PLCB1: variants seen among roughly 807,000 people sequenced by gnomAD.
PLCB1 encodes 1-phosphatidylinositol 4,5-bisphosphate phosphodiesterase beta-1.
Under a neutral mutation model 161.8 loss-of-function variants are expected in PLCB1, and 46 were observed. That is an observed-to-expected ratio of 0.28 (90% CI 0.22 to 0.36). The LOEUF is 0.36. PLCB1 is among the 10% of genes least tolerant of loss of function. The pLI is 1.00. For synonymous variants in PLCB1, 517 were observed against 503.7 expected (o/e 1.03, Z -0.35); for missense variants, 1,016 against 1,472.5 (o/e 0.69, Z 5.07).
intron 2 of PLCB1, among the ~76,000 whole-genome samples, chr20:8,301,380 G>T (rs1047897495): frequency 4.6e-5 from 7 of 152,142 alleles, no homozygotes; most frequent in African/African-American, 1.7e-4. Context: ...TTAAGAACCA[G>T]GAAGGACTGA....
chr20:8,506,760 A>C (rs1366907268), intron 3 of PLCB1, among the ~76,000 whole-genome samples: 1 of 152,222 alleles, frequency 6.6e-6, no homozygotes, highest in Non-Finnish European at 1.5e-5. Context: ...TATCTGATAT[A>C]ATCTCAGATT....
At position 8,695,802 on chromosome 20, in the gene PLCB1, G is replaced by A. The variant is rs536092688; in HGVS notation, c.1010-1824G>A. 3.3e-5 allele frequency among the ~76,000 whole-genome samples: 5 copies of A among 152,312 alleles called. No individual in the cohort carries two copies. The South Asian group carries it at 1.0e-3, about 32-fold the overall frequency. On this transcript the variant is annotated intron_variant, in intron 10 of 31. Coordinates refer to ENST00000338037, the MANE Select transcript of PLCB1 (RefSeq NM_015192.4). ...AGACTTCAATTTGTGTGTTGCTAATGGGCCTGTTGCAAGAGCTATTTATTA... is the reference window on the plus strand; with the variant it reads ...AGACTTCAATTTGTGTGTTGCTAATAGGCCTGTTGCAAGAGCTATTTATTA...
At chr20:8,236,860 CAAAT>C (rs1373339194) in intron 2 of PLCB1, among the ~76,000 whole-genome samples, 1 of 151,840 alleles carries the variant, frequency 6.6e-6, no homozygotes, top group East Asian at 1.9e-4. Context: ...AATGCAAACA[CAAAT>C]AGATATGAGA....
Position 8,236,336 on chromosome 20 carries a change from G to A in PLCB1, c.177+85965G>A, listed in dbSNP as rs185982410. Among the ~76,000 whole-genome samples the A allele has an allele frequency of 1.5e-3, 235 of 152,088 alleles. 1 individual carries two copies. Among genetic ancestry groups the A allele is most frequent in the Middle Eastern group, 3.4e-3 (1 of 294 alleles). ...GCTTGAGGCCGGGAGTTTGAAATCA[G>A]CCCAGATAACATAGTGAGACCCCTG... is the stretch of plus-strand genomic sequence containing the variant. On this transcript the variant is annotated intron_variant, in intron 2 of 31. Coordinates refer to ENST00000338037, the MANE Select transcript of PLCB1 (RefSeq NM_015192.4).
intron 23 of PLCB1, among the ~76,000 whole-genome samples, chr20:8,753,859 C>G (rs568777495): frequency 4.1e-4 from 62 of 152,330 alleles, no homozygotes; most frequent in African/African-American, 1.5e-3. Context: ...CTCTCCTGCT[C>G]TGGACATGAC....
chr20:8,545,294 G>A (rs1985494354), intron 3 of PLCB1, among the ~76,000 whole-genome samples: 1 of 152,196 alleles, frequency 6.6e-6, no homozygotes, highest in Non-Finnish European at 1.5e-5. Flanking sequence ...TTATGTTTGG[G>A]GCACTAGTGT....
intron 3 of PLCB1, among the ~76,000 whole-genome samples, chr20:8,547,026 G>C (rs941530465): frequency 1.3e-5 from 2 of 152,066 alleles, no homozygotes; most frequent in Admixed American, 6.5e-5. Flanking sequence ...AACAGTTACT[G>C]GTGAAATGGC....
chr20:8,848,483 G>A (rs1986770866), intron 31 of PLCB1, among the ~76,000 whole-genome samples: 1 of 141,598 alleles, frequency 7.1e-6, no homozygotes. Context: ...ATTCAGATAT[G>A]ATTGAAAGGG....
At chr20:8,167,155 C>T (rs1187430517) in intron 2 of PLCB1, among the ~76,000 whole-genome samples, 1 of 152,130 alleles carries the variant, frequency 6.6e-6, no homozygotes, top group Non-Finnish European at 1.5e-5. Context: ...GTACAGTTGG[C>T]TCTCATAAGC....
intron 2 of PLCB1, among the ~76,000 whole-genome samples, chr20:8,283,958 C>G (rs957016324): frequency 3.3e-5 from 5 of 151,890 alleles, no homozygotes; most frequent in African/African-American, 1.2e-4. Context: ...TACAACTTAT[C>G]TTTAACCATG....
chr20:8,349,536 G>A (rs934692151), intron 2 of PLCB1, among the ~76,000 whole-genome samples: 9 of 152,208 alleles, frequency 5.9e-5, no homozygotes, highest in Non-Finnish European at 1.3e-4. Flanking sequence ...TGTGGTCAAA[G>A]GAGCTGTCTG....
chr20:8,303,180 A>T (rs1258216945), intron 2 of PLCB1, among the ~76,000 whole-genome samples: 3 of 152,220 alleles, frequency 2.0e-5, no homozygotes, highest in African/African-American at 7.2e-5. Flanking sequence ...ACATAAGAAG[A>T]GCATCTGGGC....
At chr20:8,453,385 G>C (rs1294120900) in intron 3 of PLCB1, among the ~76,000 whole-genome samples, 1 of 152,196 alleles carries the variant, frequency 6.6e-6, no homozygotes, top group Non-Finnish European at 1.5e-5. Flanking sequence ...GTCTGACTGA[G>C]TAAGCCAAGT....
At chr20:8,317,564 A>G (rs142583907) in intron 2 of PLCB1, among the ~76,000 whole-genome samples, 77 of 152,062 alleles carry the variant, frequency 5.1e-4, no homozygotes, top group African/African-American at 1.7e-3. Flanking sequence ...AATCTATGCA[A>G]TCAGGGCACT....
chr20:8,630,995 T>C (rs1436250701), intron 4 of PLCB1, among the ~76,000 whole-genome samples: 5 of 152,220 alleles, frequency 3.3e-5, no homozygotes, highest in Non-Finnish European at 7.3e-5. Context: ...GTTCCCAGTA[T>C]AATTAATGAA....
At position 8,847,771 on chromosome 20, in the gene PLCB1, T is replaced by C. The variant is rs138060811; in HGVS notation, c.3424-33851T>C. 2.4e-4 allele frequency among the ~76,000 whole-genome samples: 37 copies of C among 152,314 alleles called. No individual in the cohort carries two copies. The East Asian group carries it at 7.1e-3, about 29-fold the overall frequency. On this transcript the variant is annotated intron_variant, in intron 31 of 31. Transcript: ENST00000338037. Reference sequence around the variant, plus strand: ...CTCACAGAACTCAGAAAATCCACTTTACTTACATTTAGATTTACAGTTTAT... The same window carrying C: ...CTCACAGAACTCAGAAAATCCACTTCACTTACATTTAGATTTACAGTTTAT...
At chr20:8,648,289 A>G (rs993043555) in intron 6 of PLCB1, among the ~76,000 whole-genome samples, 1 of 152,222 alleles carries the variant, frequency 6.6e-6, no homozygotes, top group Non-Finnish European at 1.5e-5. Flanking sequence ...GCCTCTTTCT[A>G]CCAAGATGGC....
chr20:8,197,588 A>T (rs1460098023), intron 2 of PLCB1, among the ~76,000 whole-genome samples: 1 of 151,840 alleles, frequency 6.6e-6, no homozygotes, highest in Non-Finnish European at 1.5e-5. Context: ...GATTGCAAAA[A>T]TTTTCTGCCA....
At chr20:8,700,190 G>C (rs1370801064) in intron 11 of PLCB1, among the ~76,000 whole-genome samples, 2 of 152,296 alleles carry the variant, frequency 1.3e-5, no homozygotes, top group Admixed American at 1.3e-4. Context: ...GCTGAGAGCT[G>C]GTGGCACCGC....
Sources: allele counts gnomAD v4.1 joint callset (sites outside exome capture counted in the v4.1 genomes callset), GRCh38; gene constraint gnomAD v4.1.1; transcripts MANE v1.5; gene names NCBI Gene and HGNC (gene_info 2026-07-23, HGNC 2026-07-21).